The following ZDHHC17 variants were observed in gnomAD, a reference collection of about 807,000 sequenced individuals.
ZDHHC17 encodes the protein palmitoyltransferase ZDHHC17.
ZDHHC17 carries 40 observed loss-of-function variants against 90.3 expected under a neutral mutation model. That is an observed-to-expected ratio of 0.44 (90% CI 0.34 to 0.58). ZDHHC17 has a LOEUF of 0.58. Among genes scored for constraint, ZDHHC17 ranks in the 20% least tolerant of loss-of-function variants. ZDHHC17 has a pLI of 0.01. For missense variants in ZDHHC17, 614 were observed against 780.8 expected (o/e 0.79, Z 2.55); for synonymous variants, 235 against 252.4 (o/e 0.93, Z 0.65).
chr12:76,772,017 T>C (rs10862494), intron 1 of ZDHHC17, among the ~76,000 whole-genome samples: 56,196 of 152,058 alleles, frequency 0.37, 11,128 homozygotes, highest in East Asian at 0.66. Flanking sequence ...CTTTCTTCCA[T>C]GTAGCCGGGA....
chr12:76,806,154 G>C (rs1190425301), intron 3 of ZDHHC17, among the ~76,000 whole-genome samples: 1 of 152,100 alleles, frequency 6.6e-6, no homozygotes, highest in Non-Finnish European at 1.5e-5. Context: ...GGAGTGTAGT[G>C]GTACAATCTT....
At chr12:76,790,626 A>T (rs1311693943) in intron 1 of ZDHHC17, among the ~76,000 whole-genome samples, 1 of 152,252 alleles carries the variant, frequency 6.6e-6, no homozygotes, top group Admixed American at 6.5e-5. Context: ...AAGGAAATGA[A>T]GTGAAAACTG....
intron 1 of ZDHHC17, chr12:76,764,764 T>G (rs1211303613): frequency 2.2e-6 from 1 of 459,480 alleles, no homozygotes; most frequent in Non-Finnish European, 4.4e-6. Context: ...TGCTTCCTTT[T>G]AGTCCACTGT....
intron 7 of ZDHHC17, among the ~76,000 whole-genome samples, chr12:76,816,344 A>G (rs1565788956): frequency 6.6e-6 from 1 of 152,038 alleles, no homozygotes. Flanking sequence ...TTTGCACTCT[A>G]AACATTTAGA....
intron 1 of ZDHHC17, among the ~76,000 whole-genome samples, chr12:76,786,018 G>A (rs1198418891): frequency 6.6e-6 from 1 of 152,184 alleles, no homozygotes; most frequent in Non-Finnish European, 1.5e-5. Context: ...GGAAGGGACG[G>A]ATTTATTTTG....
chr12:76,786,423 A>G (rs1236579612), intron 1 of ZDHHC17, among the ~76,000 whole-genome samples: 1 of 152,034 alleles, frequency 6.6e-6, no homozygotes, highest in East Asian at 1.9e-4. Flanking sequence ...TGCCTGGCTA[A>G]TTTTTGTATT....
intron 1 of ZDHHC17, 119 bp downstream of exon 1, chr12:76,764,448 G>C: frequency 2.0e-6 from 2 of 979,080 alleles, no homozygotes; most frequent in Non-Finnish European, 1.5e-6. Context: ...AGTTGGGGAG[G>C]GTGGGGAGGC....
intron 16 of ZDHHC17, among the ~76,000 whole-genome samples, chr12:76,850,335 A>G (rs1953548730): frequency 1.3e-5 from 2 of 152,218 alleles, no homozygotes; most frequent in African/African-American, 4.8e-5. Context: ...GATTCATGCT[A>G]TTTATAATTA....
chr12:76,845,551 A>G (rs1034596378), intron 12 of ZDHHC17, 158 bp from the exon 13 acceptor site: 5 of 353,970 alleles, frequency 1.4e-5, no homozygotes, highest in African/African-American at 2.1e-5. Context: ...TTATTAAACA[A>G]TAGTGACTTT....
Position 76,815,128 on chromosome 12 carries a change from T to C in ZDHHC17, c.544-18T>C. ...TTATAATTTAACTGTCTGACTTTTTTTCTTTTTACTTTATCAGGATGTAGA... is the reference window on the plus strand; with the variant it reads ...TTATAATTTAACTGTCTGACTTTTTCTCTTTTTACTTTATCAGGATGTAGA... On this transcript the variant is annotated intron_variant, in intron 5 of 16. Coordinates refer to ENST00000426126, the MANE Select transcript of ZDHHC17 (RefSeq NM_015336.4). 4 of 1,527,596 alleles carry C rather than the reference T, an allele frequency of 2.6e-6. No homozygotes were observed. Among genetic ancestry groups the C allele is most frequent in the Non-Finnish European group, 3.5e-6 (4 of 1,135,260 alleles). The allele number at this position is 1,527,596 out of a possible 1,614,324, so 94.6% of individuals were successfully genotyped here.
At chr12:76,792,731 AT>A (rs1372889151) in intron 1 of ZDHHC17, among the ~76,000 whole-genome samples, 2 of 152,172 alleles carry the variant, frequency 1.3e-5, no homozygotes, top group Non-Finnish European at 2.9e-5. Flanking sequence ...TTTTAAAAAA[AT>A]ATATGAAATC....
At chr12:76,773,903 A>C (rs1480303274) in intron 1 of ZDHHC17, among the ~76,000 whole-genome samples, 1 of 152,142 alleles carries the variant, frequency 6.6e-6, no homozygotes, top group Non-Finnish European at 1.5e-5. Context: ...CTTCTCTTTG[A>C]AATTTTCTTT....
rs939234579 is a variant in ZDHHC17, at chr12:76,843,255, C to A, written c.1329+274C>A. Among the ~76,000 whole-genome samples the A allele has an allele frequency of 2.0e-5, 3 of 152,144 alleles. No individual in the cohort carries two copies. In the East Asian group the frequency reaches 5.8e-4, roughly 29 times the overall value. On this transcript the variant is annotated intron_variant, in intron 12 of 16. Coordinates refer to ENST00000426126, the MANE Select transcript of ZDHHC17 (RefSeq NM_015336.4). ...GCTTAAAATGTTAATAAATTAAAAA[C>A]TAAGTAATAAAGTATTTCAGATCAA...
At chr12:76,816,774 A>C (rs1380406035) in intron 7 of ZDHHC17, among the ~76,000 whole-genome samples, 1 of 152,072 alleles carries the variant, frequency 6.6e-6, no homozygotes, top group Non-Finnish European at 1.5e-5. Context: ...TAAACTTCTA[A>C]AATAAAATAG....
At chr12:76,833,896 C>T (rs1259166651) in intron 10 of ZDHHC17, among the ~76,000 whole-genome samples, 1 of 152,036 alleles carries the variant, frequency 6.6e-6, no homozygotes, top group African/African-American at 2.4e-5. Flanking sequence ...TGTTTCTCTT[C>T]GTATTATTTA....
intron 1 of ZDHHC17, among the ~76,000 whole-genome samples, chr12:76,791,214 A>G (rs1952755991): frequency 6.6e-6 from 1 of 152,172 alleles, no homozygotes; most frequent in East Asian, 1.9e-4. Flanking sequence ...AAGTTATTTT[A>G]TGATTTTATA....
At position 76,764,282 on chromosome 12, in the gene ZDHHC17, G is replaced by T. The variant is rs762609140; in HGVS notation, c.46G>T (p.Asp16Tyr). Reference protein sequence around the residue: ...GFNTKMADGPDEYDTEAGCVP... With the variant: ...GFNTKMADGPYEYDTEAGCVP... ...TAACACCAAGATGGCGGACGGCCCGGATGAGTACGATACCGAAGCGGGCTG... is the reference window on the plus strand; with the variant it reads ...TAACACCAAGATGGCGGACGGCCCGTATGAGTACGATACCGAAGCGGGCTG... Residue 16 changes from aspartate (D) to tyrosine (Y), a missense_variant, in exon 1 of 17, where the codon GAT becomes TAT. Asp to Tyr is a radical substitution (Grantham distance 160). Around this residue, in one of 5 missense-constraint regions of ZDHHC17, gnomAD observed 358 missense variants for 380.4 expected, o/e 0.94. Coordinates refer to ENST00000426126, the MANE Select transcript of ZDHHC17 (RefSeq NM_015336.4). The T allele has an allele frequency of 2.1e-5, 33 of 1,607,530 alleles. No homozygotes were observed. Among genetic ancestry groups the T allele is most frequent in the Non-Finnish European group, 2.8e-5 (33 of 1,177,198 alleles).
chr12:76,790,789 G>A (rs1952751078), intron 1 of ZDHHC17, among the ~76,000 whole-genome samples: 1 of 152,142 alleles, frequency 6.6e-6, no homozygotes, highest in African/African-American at 2.4e-5. Flanking sequence ...CTCAGAAGTA[G>A]GGAGTAGAAT....
chr12:76,788,690 T>C, intron 1 of ZDHHC17, among the ~76,000 whole-genome samples: 1 of 30,544 alleles, frequency 3.3e-5, no homozygotes, highest in South Asian at 8.8e-4. Context: ...GAATCGCAAT[T>C]TTTTTTTTTT....
Sources: gnomAD v4.1 joint callset for allele counts (sites outside exome capture counted in the v4.1 genomes callset) on GRCh38, gnomAD v4.1.1 for gene constraint, gnomAD v4.1.1 regional missense constraint, MANE v1.5 for transcripts, NCBI Gene and HGNC (gene_info 2026-07-23, HGNC 2026-07-21) for gene names.